Variants in TPP2 observed in about 807,000 individuals in gnomAD.
TPP2 encodes the protein tripeptidyl-peptidase 2.
A neutral mutation model predicts 155.9 loss-of-function variants in TPP2; 34 were observed. The ratio of observed to expected loss-of-function variants is 0.22; its 90% CI spans 0.17 to 0.29. The LOEUF (loss-of-function observed/expected upper bound fraction) is 0.29. TPP2 is among the 10% of genes least tolerant of loss of function. The pLI is 1.00. For missense variants in TPP2, 1,028 were observed against 1,522.3 expected (o/e 0.68, Z 5.40); for synonymous variants, 510 against 529.4 (o/e 0.96, Z 0.50).
At chr13:102,663,099 T>G (rs181019073) in intron 25 of TPP2, among the ~76,000 whole-genome samples, 1 of 148,646 alleles carries the variant, frequency 6.7e-6, no homozygotes, top group Non-Finnish European at 1.5e-5. Context: ...AACTCTTAAT[T>G]GGAATAATTT....
At chr13:102,638,891 C>T (rs987297543) in intron 15 of TPP2, among the ~76,000 whole-genome samples, 1 of 152,228 alleles carries the variant, frequency 6.6e-6, no homozygotes, top group Non-Finnish European at 1.5e-5. Context: ...AATGCTCCCT[C>T]ACAATTATAG....
chr13:102,629,680 T>TA (rs1649883370), intron 9 of TPP2, 71 bp downstream of exon 9: 1 of 1,507,134 alleles, frequency 6.6e-7, no homozygotes. Context: ...AATGAAATGT[T>TA]ACCTGTATCT....
intron 2 of TPP2, among the ~76,000 whole-genome samples, chr13:102,611,833 C>A (rs1303170340): frequency 6.6e-6 from 1 of 152,070 alleles, no homozygotes; most frequent in African/African-American, 2.4e-5. Flanking sequence ...GTTCTGTTTC[C>A]TTTTTTCTGT....
intron 10 of TPP2, among the ~76,000 whole-genome samples, chr13:102,632,944 G>T (rs1882116483): frequency 6.6e-6 from 1 of 152,196 alleles, no homozygotes; most frequent in African/African-American, 2.4e-5. Flanking sequence ...GTTCCTAAAA[G>T]AGGTGCTGTC....
intron 27 of TPP2, among the ~76,000 whole-genome samples, chr13:102,669,524 A>G (rs145128338): frequency 1.1e-3 from 171 of 152,362 alleles, no homozygotes; most frequent in African/African-American, 3.8e-3. Flanking sequence ...ATTGGTATCA[A>G]CGGATGCATG....
chr13:102,600,759 T>C (rs1290686821), intron 1 of TPP2, among the ~76,000 whole-genome samples: 1 of 152,198 alleles, frequency 6.6e-6, no homozygotes, highest in African/African-American at 2.4e-5. Context: ...TTCATAAAAC[T>C]CTATTTTTAC....
chr13:102,643,208 C>G lies in TPP2; in HGVS notation c.2021-14C>G, dbSNP rs200727945. ...TATAAGTTTAAAGCTTTGCTTCTTTCTTTCTTATTTTAGAAGTGACAGTGT... is the reference window on the plus strand; with the variant it reads ...TATAAGTTTAAAGCTTTGCTTCTTTGTTTCTTATTTTAGAAGTGACAGTGT... On this transcript the variant is annotated splice_polypyrimidine_tract_variant and intron_variant, in intron 16 of 29. Coordinates refer to ENST00000376052, the MANE Select transcript of TPP2 (RefSeq NM_001330588.2). The G allele has an allele frequency of 2.0e-4, 322 of 1,574,890 alleles. No homozygotes were observed. The highest frequency in any genetic ancestry group is 5.1e-4 in the Middle Eastern group (3 of 5,902).
intron 15 of TPP2, among the ~76,000 whole-genome samples, chr13:102,638,841 AC>A (rs1328735198): frequency 6.6e-6 from 1 of 152,180 alleles, no homozygotes; most frequent in African/African-American, 2.4e-5. Flanking sequence ...TATCAGTGGC[AC>A]CTCCAAAGGT....
At chr13:102,652,988 A>G (rs1287583245) in intron 24 of TPP2, among the ~76,000 whole-genome samples, 2 of 152,228 alleles carry the variant, frequency 1.3e-5, no homozygotes, top group African/African-American at 2.4e-5. Context: ...GCCATAGCCA[A>G]TTATTTTTCT....
At position 102,647,359 on chromosome 13, in the gene TPP2, G is replaced by T; in HGVS notation, c.2628+15G>T. 2.5e-6 allele frequency: 4 copies of T among 1,603,768 alleles called. No homozygotes were observed. Among genetic ancestry groups the T allele is most frequent in the Non-Finnish European group, 3.4e-6 (4 of 1,175,528 alleles). On this transcript the variant is annotated intron_variant, in intron 21 of 29. Transcript: ENST00000376052. ...ATCCACATCAGGTATAAAATTGATG[G>T]TGATTTTTAGAATTAACGGAAGCTG...
At chr13:102,668,229 A>G (rs1438212973) in intron 27 of TPP2, among the ~76,000 whole-genome samples, 1 of 152,168 alleles carries the variant, frequency 6.6e-6, no homozygotes, top group Non-Finnish European at 1.5e-5. Flanking sequence ...AGATAAGAGA[A>G]TTTGGCTGCC....
chr13:102,644,346 ATGAGTAAATAAC>A (rs948297525), intron 17 of TPP2, among the ~76,000 whole-genome samples, 199 bp from the exon 18 acceptor site: 1 of 152,220 alleles, frequency 6.6e-6, no homozygotes, highest in African/African-American at 2.4e-5. Context: ...GCATAGGGTT[ATGAGTAAATAAC>A]TATGTATATT....
intron 2 of TPP2, among the ~76,000 whole-genome samples, chr13:102,612,606 A>C (rs1880406252): frequency 6.6e-6 from 1 of 152,204 alleles, no homozygotes; most frequent in Admixed American, 6.5e-5. Context: ...AACTTGGCTA[A>C]AGTTAGATCA....
chr13:102,632,169 A>G (rs896433082), intron 10 of TPP2, among the ~76,000 whole-genome samples: 5 of 152,158 alleles, frequency 3.3e-5, no homozygotes, highest in African/African-American at 7.2e-5. Context: ...AAATTTTATT[A>G]TATATTGTAA....
intron 17 of TPP2, 123 bp from the exon 18 acceptor site, chr13:102,644,434 G>A (rs1882965902): frequency 1.3e-6 from 1 of 751,020 alleles, no homozygotes; most frequent in Admixed American, 3.1e-5. Flanking sequence ...TAAAATTTTT[G>A]AGTTTTCTTG....
chr13:102,601,865 A>C (rs142434097), intron 1 of TPP2, among the ~76,000 whole-genome samples: 193 of 152,342 alleles, frequency 1.3e-3, no homozygotes, highest in African/African-American at 4.5e-3. Context: ...CATGGATAGG[A>C]TAATTGCATG....
chr13:102,649,486 T>C lies in TPP2; in HGVS notation c.2952T>C (p.Ala984=). Reference sequence around the variant, plus strand: ...CAAAGACTGAACTAGGAAAGAAAGCTGTAAGTATTAGTTTTTTAAACACTG... The same window carrying C: ...CAAAGACTGAACTAGGAAAGAAAGCCGTAAGTATTAGTTTTTTAAACACTG... ...TLSKTELGKK[A]GQSAAKRQGK... The change falls in exon 23 of 30, where the codon GCT becomes GCC. Residue 984 remains alanine, a splice_region_variant and synonymous_variant. Coordinates refer to ENST00000376052, the MANE Select transcript of TPP2 (RefSeq NM_001330588.2). 6.2e-7 allele frequency: 1 copy of C among 1,607,378 alleles called. No homozygotes were observed. The highest frequency in any genetic ancestry group is 8.5e-7 in the Non-Finnish European group (1 of 1,177,656).
intron 24 of TPP2, among the ~76,000 whole-genome samples, chr13:102,652,914 C>A (rs1052015381): frequency 2.0e-5 from 3 of 152,086 alleles, no homozygotes; most frequent in African/African-American, 7.2e-5. Context: ...CAAGTTACTG[C>A]TTTAGAGAAC....
chr13:102,644,539 A>C lies in TPP2; in HGVS notation c.2176-18A>C. ...AAAAATAAGAAAAGAGATATATTTT[A>C]TTTACTTTTATTTGCAGGGTGGAAA... On this transcript the variant is annotated intron_variant, in intron 17 of 29. Coordinates refer to ENST00000376052, the MANE Select transcript of TPP2 (RefSeq NM_001330588.2). 1.3e-6 allele frequency: 2 copies of C among 1,557,568 alleles called. No homozygotes were observed. Among genetic ancestry groups the C allele is most frequent in the Non-Finnish European group, 1.8e-6 (2 of 1,139,620 alleles).
Sources: gnomAD v4.1 joint callset for allele counts (sites outside exome capture counted in the v4.1 genomes callset) on GRCh38, gnomAD v4.1.1 for gene constraint, MANE v1.5 for transcripts, NCBI Gene and HGNC (gene_info 2026-07-23, HGNC 2026-07-21) for gene names.